MLXIPL: variants seen among roughly 807,000 people sequenced by gnomAD.
MLXIPL encodes the protein carbohydrate-responsive element-binding protein.
Under a neutral mutation model 81.5 loss-of-function variants are expected in MLXIPL, and 49 were observed. The observed-to-expected ratio is 0.60, with a 90% confidence interval of 0.48 to 0.76. MLXIPL has a LOEUF of 0.76. Ranked by LOEUF, MLXIPL falls within the 30% of genes least tolerant of loss-of-function variation. MLXIPL has a pLI of 0.00. For synonymous variants in MLXIPL, 466 were observed against 485.5 expected (o/e 0.96, Z 0.53); for missense variants, 1,053 against 1,167.0 (o/e 0.90, Z 1.42).
At chr7:73,638,384 AACCTCC>A in the MLXIPL span, among the ~76,000 whole-genome samples, 1 of 152,202 alleles carries the variant, frequency 6.6e-6, no homozygotes, top group East Asian at 1.9e-4. Context: ...GGCTCACTGC[AACCTCC>A]ACCTCCCAGG....
chr7:73,614,689 T>G (rs1027680275), intron 2 of MLXIPL, among the ~76,000 whole-genome samples: 1 of 152,168 alleles, frequency 6.6e-6, no homozygotes, highest in Non-Finnish European at 1.5e-5. Flanking sequence ...AATGAGAATG[T>G]GACCTCCTTA....
chr7:73,602,281 A>G (rs1554596603), intron 7 of MLXIPL, among the ~76,000 whole-genome samples: 1 of 144,100 alleles, frequency 6.9e-6, no homozygotes, highest in East Asian at 2.1e-4. Context: ...CAGTGGCACG[A>G]TCTCGGCTCA....
chr7:73,606,175 C>T (rs2116346713), intron 5 of MLXIPL, 64 bp from the exon 6 acceptor site: 1 of 1,507,198 alleles, frequency 6.6e-7, no homozygotes, highest in Non-Finnish European at 9.0e-7. Context: ...TCCATATCAC[C>T]CCTCTCCAGG....
the MLXIPL span, among the ~76,000 whole-genome samples, chr7:73,639,979 G>C: frequency 2.6e-5 from 4 of 151,894 alleles, no homozygotes; most frequent in African/African-American, 9.7e-5. Context: ...GCAGGAGAAT[G>C]GTGTGAACCC....
rs1211377104 is a variant in MLXIPL, at chr7:73,602,130, G to GCCTT, written c.902-2439_902-2436dup. ...TGCCTGCCTGCCTGCCTGCCTGCCT[G>GCCTT]CCTTCCTTCCTTCCTTCCTTCCTTC... On this transcript the variant is annotated intron_variant, in intron 7 of 16. Transcript: ENST00000313375. Among the ~76,000 whole-genome samples the GCCTT allele has an allele frequency of 7.3e-4, 59 of 80,528 alleles. 3 individuals are homozygous for GCCTT. Among genetic ancestry groups the GCCTT allele is most frequent in the South Asian group, 1.6e-3 (3 of 1,872 alleles). The allele number at this position is 80,528 out of a possible 152,430, so 52.8% of individuals were successfully genotyped here. A position where few individuals can be genotyped will look rare whatever the true frequency, so the allele number is the denominator to read the frequency against.
At position 73,607,561 on chromosome 7, in the gene MLXIPL, G is replaced by T. The variant is rs560301520; in HGVS notation, c.483+29C>A. 31 of 1,609,516 alleles carry T rather than the reference G, an allele frequency of 1.9e-5. No homozygotes were observed. The Admixed American group carries it at 5.0e-4, about 26-fold the overall frequency. ...GTCTTGGTGGGTGGGCAGGTGGGCA[G>T]GTGGGCAGGCGGTCCAGAACCCAGC... is the stretch of plus-strand genomic sequence containing the variant. On this transcript the variant is annotated intron_variant, in intron 3 of 16. Transcript: ENST00000313375.
At chr7:73,603,210 T>C (rs1282350431) in intron 7 of MLXIPL, among the ~76,000 whole-genome samples, 3 of 152,168 alleles carry the variant, frequency 2.0e-5, no homozygotes, top group African/African-American at 7.2e-5. Context: ...GTGGTACCAG[T>C]GCGCTCTGCC....
rs782358047 is a variant in MLXIPL, at chr7:73,596,507, A to G, written c.1823-28T>C. 6.2e-7 allele frequency: 1 copy of G among 1,612,234 alleles called. No individual in the cohort carries two copies. Among genetic ancestry groups the G allele is most frequent in the South Asian group, 1.1e-5 (1 of 91,032 alleles). On this transcript the variant is annotated intron_variant, in intron 11 of 16. Transcript: ENST00000313375. The surrounding 1 kb of genome is among the most constrained non-coding windows in gnomAD (Gnocchi z 4.7). ...GTGGTAGGGACAGACAGACCCACAGAAAGACCGACCCAGGGGAAAGGGTCC... is the reference window on the plus strand; with the variant it reads ...GTGGTAGGGACAGACAGACCCACAGGAAGACCGACCCAGGGGAAAGGGTCC...
In MLXIPL at chr7:73,607,310, C is replaced by A. The variant is rs782665640; in HGVS notation, c.573+21G>T. The A allele has an allele frequency of 1.3e-5, 20 of 1,552,434 alleles. No individual in the cohort carries two copies. The African/African-American group carries it at 2.6e-4, about 20-fold the overall frequency. ...CCGCAGGAGGAAAGCTCTGGGGCCT[C>A]CCTGGCCCTCCCCCACTGACCCGCT... On this transcript the variant is annotated intron_variant, in intron 4 of 16. Transcript: ENST00000313375.
chr7:73,635,951 C>G, the MLXIPL span, among the ~76,000 whole-genome samples: 1 of 152,208 alleles, frequency 6.6e-6, no homozygotes, highest in Non-Finnish European at 1.5e-5. Flanking sequence ...TGGCTCCTGC[C>G]TTTGTGCAGC....
At chr7:73,633,677 C>T in the MLXIPL span, among the ~76,000 whole-genome samples, 1 of 151,944 alleles carries the variant, frequency 6.6e-6, no homozygotes. Flanking sequence ...TGGTTCCGAA[C>T]TCCTGGGCTC....
rs1052400621 is a variant in MLXIPL at position 73,595,631 on chromosome 7, G to A, written c.2310+6C>T. 1 of 1,614,180 alleles carries A rather than the reference G, an allele frequency of 6.2e-7. No homozygotes were observed. Among genetic ancestry groups the A allele is most frequent in the Non-Finnish European group, 8.5e-7 (1 of 1,180,014 alleles). The stretch of plus-strand genomic sequence containing the variant: ...GCCCCCCAGCCATGGGCTTGAGGGA[G>A]GATACCACCCAGAACTTCCAGTTGT... On this transcript the variant is annotated splice_donor_region_variant and intron_variant, in intron 15 of 16. Coordinates refer to ENST00000313375, the MANE Select transcript of MLXIPL (RefSeq NM_032951.3).
chr7:73,596,337 G>A lies in MLXIPL; in HGVS notation c.1938+27C>T, dbSNP rs781866874. The A allele has an allele frequency of 5.6e-6, 9 of 1,611,828 alleles. No individual in the cohort carries two copies. Among genetic ancestry groups the A allele is most frequent in the Admixed American group, 5.0e-5 (3 of 59,696 alleles). ...CAGGAGGGCCTGGGGGTAGCAAACCGATCTTGGGGTGGGGGATGGTGCCCA... is the reference window on the plus strand; with the variant it reads ...CAGGAGGGCCTGGGGGTAGCAAACCAATCTTGGGGTGGGGGATGGTGCCCA... On this transcript the variant is annotated intron_variant, in intron 12 of 16. Transcript: ENST00000313375. This position sits in a 1 kb window ranked among gnomAD's most constrained non-coding sequence, Gnocchi z 4.7.
chr7:73,634,060 G>A, the MLXIPL span, among the ~76,000 whole-genome samples: 2 of 152,180 alleles, frequency 1.3e-5, no homozygotes, highest in African/African-American at 4.8e-5. Flanking sequence ...GTCTCGAACT[G>A]TGTCTTTAAC....
intron 2 of MLXIPL, 61 bp downstream of exon 2, chr7:73,616,010 T>C: frequency 2.9e-6 from 4 of 1,396,264 alleles, no homozygotes; most frequent in Non-Finnish European, 4.1e-6. Context: ...TAGAACCCTC[T>C]GGCAGGAGGG....
upstream of MLXIPL, among the ~76,000 whole-genome samples, chr7:73,624,828 C>A (rs564473138): frequency 6.6e-6 from 1 of 151,972 alleles, no homozygotes; most frequent in Non-Finnish European, 1.5e-5. Flanking sequence ...GAGGCCAAGG[C>A]GGGAGGATGG....
At position 73,614,874 on chromosome 7, in the gene MLXIPL, G is replaced by A. The variant is rs1218850207; in HGVS notation, c.400+1197C>T. Among the ~76,000 whole-genome samples, 3 of 146,604 alleles carry A rather than the reference G, an allele frequency of 2.0e-5. 1 individual carries two copies. The highest frequency in any genetic ancestry group is 4.3e-4 in the South Asian group (2 of 4,678). On this transcript the variant is annotated intron_variant, in intron 2 of 16. Transcript: ENST00000313375. ...CGCCCAGGCTGGAGTGCAGCGGCGC[G>A]ATCTCAGCTCACTGCAAGCTCCGCC...
At chr7:73,604,437 A>G (rs1470338346) in intron 7 of MLXIPL, among the ~76,000 whole-genome samples, 1 of 148,506 alleles carries the variant, frequency 6.7e-6, no homozygotes, top group East Asian at 2.1e-4. Flanking sequence ...GCCAGGCATA[A>G]TGGTGCGTGC....
chr7:73,643,923 C>A, the MLXIPL span, among the ~76,000 whole-genome samples: 2 of 151,856 alleles, frequency 1.3e-5, no homozygotes, highest in African/African-American at 2.4e-5. Flanking sequence ...TGCATCACCA[C>A]CCCTGGCTAA....
Sources: gnomAD v4.1 joint callset for allele counts (sites outside exome capture counted in the v4.1 genomes callset) on GRCh38, gnomAD v4.1.1 for gene constraint, Gnocchi (gnomAD v3.1) non-coding constraint, MANE v1.5 for transcripts, NCBI Gene and HGNC (gene_info 2026-07-23, HGNC 2026-07-21) for gene names.